PCCA: variants seen among roughly 807,000 people sequenced by gnomAD.
PCCA encodes propionyl-CoA carboxylase subunit alpha.
Under a neutral mutation model 101.3 loss-of-function variants are expected in PCCA, and 74 were observed. The ratio of observed to expected loss-of-function variants is 0.73; its 90% CI spans 0.61 to 0.89. The LOEUF (loss-of-function observed/expected upper bound fraction) is 0.89, where lower values mean the gene tolerates loss of function less well. Ranked by LOEUF, PCCA falls within the 40% of genes least tolerant of loss-of-function variation. The pLI, the probability that PCCA is intolerant of heterozygous loss-of-function variation, is 0.00. For synonymous variants in PCCA, 294 were observed against 313.6 expected (o/e 0.94, Z 0.66); for missense variants, 891 against 907.0 (o/e 0.98, Z 0.23).
intron 19 of PCCA, among the ~76,000 whole-genome samples, chr13:100,422,133 TTC>T (rs1468181891): frequency 6.6e-5 from 9 of 137,164 alleles, no homozygotes; most frequent in African/African-American, 2.3e-4. Context: ...CTTTCTTTCT[TTC>T]TTTTTTTTTT....
intron 15 of PCCA, among the ~76,000 whole-genome samples, chr13:100,308,720 C>T (rs544953978): frequency 1.0e-3 from 155 of 152,096 alleles, no homozygotes; most frequent in Non-Finnish European, 1.9e-3. Flanking sequence ...AAATATTATA[C>T]GTTGATTTTT....
chr13:100,111,921 A>G, intron 3 of PCCA, 33 bp downstream of exon 3: 1 of 1,594,444 alleles, frequency 6.3e-7, no homozygotes, highest in South Asian at 1.1e-5. Context: ...TTTCCATTTT[A>G]CTCTGAAATT....
chr13:100,111,178 CTTTTTTTTT>C (rs965293674), intron 2 of PCCA, among the ~76,000 whole-genome samples: 45 of 98,532 alleles, frequency 4.6e-4, no homozygotes, highest in African/African-American at 1.7e-3. Flanking sequence ...GACCCAGCTC[CTTTTTTTTT>C]TTTTTTTTTT....
intron 7 of PCCA, among the ~76,000 whole-genome samples, chr13:100,234,685 T>G (rs150587756): frequency 5.3e-4 from 81 of 151,626 alleles, no homozygotes; most frequent in African/African-American, 1.8e-3. Flanking sequence ...GAACCAGTTA[T>G]AAACATCCCC....
chr13:100,190,319 G>A (rs1020697267), intron 6 of PCCA, among the ~76,000 whole-genome samples: 4 of 152,292 alleles, frequency 2.6e-5, no homozygotes, highest in South Asian at 2.1e-4. Context: ...TAATTAAATA[G>A]CATTATTAAA....
At chr13:100,454,718 C>T (rs565439795) in intron 21 of PCCA, among the ~76,000 whole-genome samples, 1 of 152,194 alleles carries the variant, frequency 6.6e-6, no homozygotes, top group East Asian at 1.9e-4. Context: ...CAATTTTAGA[C>T]TAAGAGAAGT....
At chr13:100,173,376 C>T (rs746343484) in intron 6 of PCCA, among the ~76,000 whole-genome samples, 1 of 152,042 alleles carries the variant, frequency 6.6e-6, no homozygotes, top group African/African-American at 2.4e-5. Flanking sequence ...ACAGGAATAA[C>T]GGCATTTGGT....
At chr13:100,473,854 G>A (rs773911039) in intron 21 of PCCA, among the ~76,000 whole-genome samples, 1 of 152,200 alleles carries the variant, frequency 6.6e-6, no homozygotes, top group African/African-American at 2.4e-5. Context: ...CTGGCTTATC[G>A]CACAATGACA....
intron 8 of PCCA, among the ~76,000 whole-genome samples, chr13:100,250,271 T>G (rs2061673353): frequency 6.6e-6 from 1 of 152,118 alleles, no homozygotes; most frequent in Admixed American, 6.5e-5. Flanking sequence ...AACTCAGTGA[T>G]TGTTGATTTT....
intron 16 of PCCA, among the ~76,000 whole-genome samples, chr13:100,313,839 A>G (rs1384517718): frequency 6.6e-6 from 1 of 152,138 alleles, no homozygotes; most frequent in Non-Finnish European, 1.5e-5. Context: ...CATTCCTGCA[A>G]AAAAGCACAA....
chr13:100,126,496 A>G (rs1566528661), intron 4 of PCCA, among the ~76,000 whole-genome samples: 2 of 152,274 alleles, frequency 1.3e-5, no homozygotes, highest in South Asian at 4.1e-4. Flanking sequence ...TCAAAGCATG[A>G]ATCTTTTCCA....
chr13:100,439,477 C>T (rs1430091021), intron 20 of PCCA, among the ~76,000 whole-genome samples: 3 of 152,082 alleles, frequency 2.0e-5, no homozygotes, highest in African/African-American at 7.2e-5. Flanking sequence ...ACCCCAGAAC[C>T]TTTGTAGTGT....
intron 22 of PCCA, chr13:100,527,264 C>A: frequency 2.1e-6 from 1 of 472,544 alleles, no homozygotes; most frequent in Non-Finnish European, 4.4e-6. Context: ...CTGTACCCTT[C>A]AGCAGTGACT....
chr13:100,318,960 A>G (rs9557416), intron 16 of PCCA, among the ~76,000 whole-genome samples: 74,608 of 151,706 alleles, frequency 0.49, 18,457 homozygotes, highest in Middle Eastern at 0.55. Flanking sequence ...AACAGTGTAA[A>G]AGTGTTCCTA....
chr13:100,498,532 TA>T (rs946706529), intron 21 of PCCA, among the ~76,000 whole-genome samples: 38 of 152,284 alleles, frequency 2.5e-4, no homozygotes, highest in African/African-American at 8.2e-4. Flanking sequence ...TTAGCTAAGT[TA>T]AAACATACAA....
intron 19 of PCCA, among the ~76,000 whole-genome samples, chr13:100,390,957 A>G (rs2076769795): frequency 6.6e-6 from 1 of 152,130 alleles, no homozygotes; most frequent in South Asian, 2.1e-4. Flanking sequence ...CAGGTGCCAG[A>G]AGAAGGGAAT....
At chr13:100,163,009 G>T (rs9513735) in intron 6 of PCCA, among the ~76,000 whole-genome samples, 46,770 of 152,006 alleles carry the variant, frequency 0.31, 8,124 homozygotes, top group East Asian at 0.71. Flanking sequence ...TTGGCTTAAG[G>T]TCAGCTTTTA....
intron 19 of PCCA, among the ~76,000 whole-genome samples, chr13:100,423,883 A>G (rs937940810): frequency 1.3e-5 from 2 of 152,330 alleles, no homozygotes; most frequent in East Asian, 1.9e-4. Flanking sequence ...ACTCACACGC[A>G]GTCTTCCTGA....
At chr13:100,316,143 G>A (rs181288379) in intron 16 of PCCA, among the ~76,000 whole-genome samples, 2 of 152,106 alleles carry the variant, frequency 1.3e-5, no homozygotes, top group African/African-American at 4.8e-5. Context: ...AGGCATAGAT[G>A]TTTGTTGTCT....
Sources: allele counts gnomAD v4.1 joint callset (sites outside exome capture counted in the v4.1 genomes callset), GRCh38; gene constraint gnomAD v4.1.1; transcripts MANE v1.5; gene names NCBI Gene and HGNC (gene_info 2026-07-23, HGNC 2026-07-21).